POU2F1: variants seen among roughly 807,000 people sequenced by gnomAD.
The protein encoded by POU2F1 is POU domain, class 2, transcription factor 1.
POU2F1 carries 16 observed loss-of-function variants against 84.9 expected under a neutral mutation model. That is an observed-to-expected ratio of 0.19 (90% CI 0.13 to 0.29). The LOEUF (loss-of-function observed/expected upper bound fraction) is 0.29. Ranked by LOEUF, POU2F1 falls within the 10% of genes least tolerant of loss-of-function variation. POU2F1 has a pLI of 1.00. For synonymous variants in POU2F1, 368 were observed against 368.3 expected (o/e 1.00, Z 0.01); for missense variants, 738 against 942.6 (o/e 0.78, Z 2.84).
intron 1 of POU2F1, among the ~76,000 whole-genome samples, chr1:167,280,326 AAG>A (rs763843420): frequency 2.0e-5 from 3 of 151,590 alleles, no homozygotes; most frequent in Non-Finnish European, 2.9e-5. Flanking sequence ...TTTTTTTTTA[AAG>A]AGAGATTTTA....
At chr1:167,282,398 C>T (rs985495449) in intron 1 of POU2F1, among the ~76,000 whole-genome samples, 2 of 152,194 alleles carry the variant, frequency 1.3e-5, no homozygotes, top group Admixed American at 1.3e-4. Context: ...CCCGCCTCGG[C>T]CTCCCGAAGT....
intron 7 of POU2F1, among the ~76,000 whole-genome samples, chr1:167,381,460 AC>A: frequency 6.6e-6 from 1 of 152,124 alleles, no homozygotes; most frequent in African/African-American, 2.4e-5. Context: ...TGGGGGTAAA[AC>A]CTAAGGTTTG....
intron 1 of POU2F1, among the ~76,000 whole-genome samples, chr1:167,271,620 C>G (rs888613472): frequency 6.6e-6 from 1 of 151,906 alleles, no homozygotes; most frequent in African/African-American, 2.4e-5. Context: ...CAAGCTGTGC[C>G]CTGGGGAGAG....
rs574104541 is a variant in POU2F1 at position 167,241,675 on chromosome 1, C to A, written c.61+20717C>A. 3 of 152,226 alleles carry A rather than the reference C, an allele frequency of 2.0e-5. No homozygotes were observed. The East Asian group carries it at 5.8e-4, about 29-fold the overall frequency. 9.4% of individuals were successfully genotyped at this position (152,226 alleles called of 1,614,324 possible). ...TAATATTAGGCATATTAATTAACAC[C>A]TATGAAGCCCATTTGGTATGCTAAG... On this transcript the variant is annotated intron_variant, in intron 1 of 15. Transcript: ENST00000367866.
At chr1:167,385,077 TAAG>T (rs1209947408) in intron 8 of POU2F1, among the ~76,000 whole-genome samples, 3 of 152,058 alleles carry the variant, frequency 2.0e-5, no homozygotes, top group Admixed American at 2.0e-4. Context: ...AAATTGAAAT[TAAG>T]AAAAAGAAAT....
At chr1:167,348,980 G>T (rs1210285770) in intron 2 of POU2F1, among the ~76,000 whole-genome samples, 1 of 151,786 alleles carries the variant, frequency 6.6e-6, no homozygotes, top group Non-Finnish European at 1.5e-5. Context: ...CTTGTCTTTT[G>T]TATTACTTAT....
At chr1:167,365,318 G>GT in intron 2 of POU2F1, 149 bp from the exon 3 acceptor site, 3 of 519,708 alleles carry the variant, frequency 5.8e-6, no homozygotes, top group Non-Finnish European at 1.0e-5. Context: ...CCAGTTTACT[G>GT]TTTCCTTTCT....
intron 1 of POU2F1, among the ~76,000 whole-genome samples, chr1:167,287,690 T>C (rs566387511): frequency 6.6e-6 from 1 of 152,324 alleles, no homozygotes; most frequent in South Asian, 2.1e-4. Flanking sequence ...ATGAATCTAA[T>C]TGGAGTTACA....
At chr1:167,297,224 A>C (rs1002262121) in intron 1 of POU2F1, among the ~76,000 whole-genome samples, 5 of 152,228 alleles carry the variant, frequency 3.3e-5, no homozygotes, top group South Asian at 2.1e-4. Flanking sequence ...TGGTAACTCT[A>C]ACTTGTGAAC....
At chr1:167,254,122 T>C (rs535097794) in intron 1 of POU2F1, among the ~76,000 whole-genome samples, 3 of 152,346 alleles carry the variant, frequency 2.0e-5, no homozygotes, top group African/African-American at 7.2e-5. Context: ...GTTCACACTT[T>C]ATACAGTTTT....
intron 1 of POU2F1, among the ~76,000 whole-genome samples, chr1:167,254,635 A>G (rs1650997717): frequency 6.6e-6 from 1 of 152,260 alleles, no homozygotes; most frequent in Admixed American, 6.5e-5. Context: ...TCTTGATGCT[A>G]TAATCAGAAA....
chr1:167,331,492 C>T (rs1331861235), intron 1 of POU2F1, among the ~76,000 whole-genome samples: 1 of 151,964 alleles, frequency 6.6e-6, no homozygotes, highest in African/African-American at 2.4e-5. Flanking sequence ...TATTTAACCA[C>T]TAAATAAGTT....
chr1:167,368,279 C>T (rs766129286), intron 3 of POU2F1, among the ~76,000 whole-genome samples: 4 of 150,752 alleles, frequency 2.7e-5, no homozygotes, highest in East Asian at 2.0e-4. Context: ...GTTCCCTCAA[C>T]GGCTGAACCC....
chr1:167,413,301 C>T (rs1650095125), intron 15 of POU2F1, among the ~76,000 whole-genome samples, 187 bp downstream of exon 15: 1 of 152,078 alleles, frequency 6.6e-6, no homozygotes, highest in East Asian at 1.9e-4. Context: ...CGTAAAAAAG[C>T]TTTGTAAGAA....
intron 15 of POU2F1, among the ~76,000 whole-genome samples, chr1:167,413,683 C>A (rs931266558): frequency 2.0e-5 from 3 of 152,148 alleles, no homozygotes; most frequent in African/African-American, 7.2e-5. Context: ...CTTTTCCAAG[C>A]TCAGCTGGGT....
chr1:167,248,047 T>C lies in POU2F1; in HGVS notation c.61+27089T>C, dbSNP rs1391012906. Among the ~76,000 whole-genome samples, 5 of 152,340 alleles carry C rather than the reference T, an allele frequency of 3.3e-5. No individual in the cohort carries two copies. The East Asian group carries it at 9.6e-4, about 29-fold the overall frequency. ...TTAATGTATTTTTCTTTACAGAGTA[T>C]ACAGCAGTTTACTCCTTTTAACCTG... On this transcript the variant is annotated intron_variant, in intron 1 of 15. Transcript: ENST00000367866.
chr1:167,355,462 A>G (rs1244884061), intron 2 of POU2F1, among the ~76,000 whole-genome samples: 1 of 152,216 alleles, frequency 6.6e-6, no homozygotes, highest in Non-Finnish European at 1.5e-5. Flanking sequence ...TGTTTTAAAG[A>G]ACATCTTGGC....
At chr1:167,272,408 A>G (rs373383891) in intron 1 of POU2F1, among the ~76,000 whole-genome samples, 2 of 150,304 alleles carry the variant, frequency 1.3e-5, no homozygotes, top group East Asian at 1.9e-4. Context: ...AAAAAAAACC[A>G]TATTCAGAAC....
chr1:167,295,532 G>A (rs1654235017), intron 1 of POU2F1, among the ~76,000 whole-genome samples: 1 of 152,188 alleles, frequency 6.6e-6, no homozygotes, highest in Admixed American at 6.5e-5. Context: ...GACGTGGGAA[G>A]AGAGTGCCAG....
Sources: gnomAD v4.1 joint callset for allele counts (sites outside exome capture counted in the v4.1 genomes callset) on GRCh38, gnomAD v4.1.1 for gene constraint, MANE v1.5 for transcripts, NCBI Gene and HGNC (gene_info 2026-07-23, HGNC 2026-07-21) for gene names.